PPARGC1A: variants seen among roughly 807,000 people sequenced by gnomAD.
The protein encoded by PPARGC1A is peroxisome proliferator-activated receptor gamma coactivator 1-alpha.
In PPARGC1A, 25 loss-of-function variants were observed where a neutral mutation model predicts 88.7. The ratio of observed to expected loss-of-function variants is 0.28; its 90% CI spans 0.21 to 0.39. The LOEUF (loss-of-function observed/expected upper bound fraction) is 0.39, where lower values mean the gene tolerates loss of function less well. Ranked by LOEUF, PPARGC1A falls within the 10% of genes least tolerant of loss-of-function variation. The pLI is 1.00. For missense variants in PPARGC1A, 880 were observed against 968.7 expected (o/e 0.91, Z 1.22); for synonymous variants, 363 against 355.6 (o/e 1.02, Z -0.24).
At chr4:24,255,318 CAGTT>C in the PPARGC1A span, among the ~76,000 whole-genome samples, 2 of 152,282 alleles carry the variant, frequency 1.3e-5, no homozygotes, top group East Asian at 3.9e-4. Flanking sequence ...CTATTTGCCT[CAGTT>C]ACTTTGGCAA....
rs982925971 is a variant in PPARGC1A, at chr4:23,793,859, C to A, written c.*1963G>T. On this transcript the variant is annotated 3_prime_UTR_variant, in exon 13 of 13. Coordinates refer to ENST00000264867, the MANE Select transcript of PPARGC1A (RefSeq NM_013261.5). ...ATGAAGCACTTACACTCCAACCTGA[C>A]AATTGTCATGCATCCTAGGTAGAAA... The A allele has an allele frequency of 1.3e-5, 2 of 152,396 alleles. No individual in the cohort carries two copies. The highest frequency in any genetic ancestry group is 2.4e-5 in the African/African-American group (1 of 41,454). 9.4% of individuals were successfully genotyped at this position (152,396 alleles called of 1,614,324 possible). A position where few individuals can be genotyped will look rare whatever the true frequency, so the allele number is the denominator to read the frequency against.
the PPARGC1A span, among the ~76,000 whole-genome samples, chr4:24,410,149 C>T: frequency 6.6e-6 from 1 of 152,078 alleles, no homozygotes; most frequent in Admixed American, 6.6e-5. Flanking sequence ...TGGTCTGTTA[C>T]TATTGAAAAA....
the PPARGC1A span, among the ~76,000 whole-genome samples, chr4:24,180,929 G>A: frequency 2.6e-5 from 4 of 152,148 alleles, no homozygotes; most frequent in Admixed American, 1.3e-4. Flanking sequence ...TTCTTCCTGT[G>A]TCATTCACAA....
intron 10 of PPARGC1A, 71 bp downstream of exon 10, chr4:23,812,676 A>G (rs563331739): frequency 1.9e-6 from 3 of 1,595,952 alleles, no homozygotes; most frequent in African/African-American, 1.4e-5. Context: ...TTTCTAATCT[A>G]TCACCAAAAA....
the PPARGC1A span, among the ~76,000 whole-genome samples, chr4:24,348,252 G>A: frequency 9.2e-5 from 14 of 152,224 alleles, no homozygotes; most frequent in South Asian, 4.1e-4. Context: ...TTCCTCCTTC[G>A]TAACTTTGTA....
the PPARGC1A span, among the ~76,000 whole-genome samples, chr4:24,165,459 C>T: frequency 6.6e-6 from 1 of 152,118 alleles, no homozygotes; most frequent in African/African-American, 2.4e-5. Flanking sequence ...TCATTTTATA[C>T]AGGAATACAT....
At chr4:24,416,960 G>A in the PPARGC1A span, among the ~76,000 whole-genome samples, 145 of 151,478 alleles carry the variant, frequency 9.6e-4, no homozygotes, top group Non-Finnish European at 1.2e-3. Flanking sequence ...AAACCAGGAG[G>A]CGGAGGTTGC....
chr4:24,093,747 C>T, the PPARGC1A span, among the ~76,000 whole-genome samples: 6 of 152,294 alleles, frequency 3.9e-5, no homozygotes, highest in South Asian at 4.1e-4. Flanking sequence ...AGGCAGCACA[C>T]GAGTGGTTCG....
At chr4:24,026,218 C>T in the PPARGC1A span, among the ~76,000 whole-genome samples, 1 of 152,070 alleles carries the variant, frequency 6.6e-6, no homozygotes, top group African/African-American at 2.4e-5. Flanking sequence ...TCCAGTTGGC[C>T]CCACTTCCCA....
At chr4:23,886,853 C>CT (rs754259538) in intron 1 of PPARGC1A, among the ~76,000 whole-genome samples, 35 of 89,046 alleles carry the variant, frequency 3.9e-4, no homozygotes, top group Non-Finnish European at 5.7e-4. Context: ...GGGGCATAGT[C>CT]TTTAAAAAAA....
At chr4:24,104,542 C>T in the PPARGC1A span, among the ~76,000 whole-genome samples, 2 of 152,108 alleles carry the variant, frequency 1.3e-5, no homozygotes, top group Non-Finnish European at 2.9e-5. Flanking sequence ...GATGGACCGT[C>T]CTTGTTAGAG....
the PPARGC1A span, among the ~76,000 whole-genome samples, chr4:24,066,858 T>TTG: frequency 3.5e-5 from 3 of 85,442 alleles, no homozygotes; most frequent in African/African-American, 1.1e-4. Flanking sequence ...GGTTTTTTTT[T>TTG]TTTTTTTTTT....
At chr4:24,072,145 TTATA>T in the PPARGC1A span, among the ~76,000 whole-genome samples, 69 of 147,456 alleles carry the variant, frequency 4.7e-4, no homozygotes, top group Admixed American at 1.4e-3. Context: ...ATTTTTTATT[TTATA>T]TATATTTTAT....
chr4:23,960,661 A>G, the PPARGC1A span, among the ~76,000 whole-genome samples: 1 of 152,150 alleles, frequency 6.6e-6, no homozygotes, highest in Non-Finnish European at 1.5e-5. Flanking sequence ...AGAGAGCACC[A>G]TCATCTGGAA....
At chr4:24,061,342 A>C in the PPARGC1A span, among the ~76,000 whole-genome samples, 1 of 152,308 alleles carries the variant, frequency 6.6e-6, no homozygotes, top group South Asian at 2.1e-4. Flanking sequence ...ACTCAGGAAA[A>C]GCATCCTGTG....
the PPARGC1A span, among the ~76,000 whole-genome samples, chr4:23,944,502 T>C: frequency 2.0e-5 from 3 of 152,324 alleles, no homozygotes; most frequent in East Asian, 5.8e-4. Flanking sequence ...ATCTGTTAAA[T>C]AAATGAGTGT....
chr4:23,923,116 G>GTTTTTTTTTTTTTTTT, the PPARGC1A span, among the ~76,000 whole-genome samples: 2 of 131,688 alleles, frequency 1.5e-5, no homozygotes. Flanking sequence ...TTTGTTGCTT[G>GTTTTTTTTTTTTTTTT]TTTTTTTTTT....
At chr4:24,021,813 G>C in the PPARGC1A span, among the ~76,000 whole-genome samples, 1 of 152,214 alleles carries the variant, frequency 6.6e-6, no homozygotes, top group South Asian at 2.1e-4. Context: ...TGTGTTCAAT[G>C]TCACTAGCAT....
chr4:24,286,215 T>TA, the PPARGC1A span, among the ~76,000 whole-genome samples: 1 of 152,090 alleles, frequency 6.6e-6, no homozygotes, highest in Non-Finnish European at 1.5e-5. Context: ...AATAGAGTCT[T>TA]AAAGTCATGA....
Sources: gnomAD v4.1 joint callset for allele counts (sites outside exome capture counted in the v4.1 genomes callset) on GRCh38, gnomAD v4.1.1 for gene constraint, MANE v1.5 for transcripts, NCBI Gene and HGNC (gene_info 2026-07-23, HGNC 2026-07-21) for gene names.